The following ERC2 variants were observed in gnomAD, a reference collection of about 807,000 sequenced individuals.
ERC2 encodes the protein ERC protein 2.
Under a neutral mutation model 114.8 loss-of-function variants are expected in ERC2, and 42 were observed. The ratio of observed to expected loss-of-function variants is 0.37; its 90% CI spans 0.29 to 0.47. The LOEUF (loss-of-function observed/expected upper bound fraction) is 0.47, where lower values mean the gene tolerates loss of function less well. Among genes scored for constraint, ERC2 ranks in the 20% least tolerant of loss-of-function variants. The pLI, the probability that ERC2 is intolerant of heterozygous loss-of-function variation, is 0.99. For missense variants in ERC2, 939 were observed against 1,150.7 expected (o/e 0.82, Z 2.66); for synonymous variants, 454 against 425.5 (o/e 1.07, Z -0.82).
intron 3 of ERC2, among the ~76,000 whole-genome samples, chr3:56,245,826 C>T (rs1323895963): frequency 6.6e-6 from 1 of 152,034 alleles, no homozygotes; most frequent in African/African-American, 2.4e-5. Flanking sequence ...CAGGTGTGAG[C>T]CACCACTCCC....
chr3:56,460,714 A>G lies in ERC2; in HGVS notation c.-141+7534T>C, dbSNP rs569160342. ...CTCTGTACCCCCAGTGCCTAACACA[A>G]AGTAGATACTCAATAAATACTTCAC... On this transcript the variant is annotated intron_variant, in intron 1 of 17. Coordinates refer to ENST00000288221, the MANE Select transcript of ERC2 (RefSeq NM_015576.3). Among the ~76,000 whole-genome samples, 275 of 152,328 alleles carry G rather than the reference A, an allele frequency of 1.8e-3. 2 individuals are homozygous for G. The highest frequency in any genetic ancestry group is 3.0e-3 in the Non-Finnish European group (202 of 68,024).
At chr3:55,972,675 A>T (rs1443412597) in intron 12 of ERC2, among the ~76,000 whole-genome samples, 1 of 152,198 alleles carries the variant, frequency 6.6e-6, no homozygotes, top group African/African-American at 2.4e-5. Context: ...CGAGTATAAC[A>T]TTGATGGGCA....
At chr3:55,516,437 A>C (rs2052511501) in intron 17 of ERC2, among the ~76,000 whole-genome samples, 1 of 152,140 alleles carries the variant, frequency 6.6e-6, no homozygotes, top group Non-Finnish European at 1.5e-5. Context: ...TTGAAACCAT[A>C]ATTCAAAAAA....
intron 17 of ERC2, among the ~76,000 whole-genome samples, chr3:55,547,446 T>C (rs1431459043): frequency 6.6e-6 from 1 of 152,230 alleles, no homozygotes; most frequent in Non-Finnish European, 1.5e-5. Context: ...AAGGCTGCCA[T>C]TGCTCCAGTG....
intron 6 of ERC2, among the ~76,000 whole-genome samples, chr3:56,106,806 G>C (rs1419833326): frequency 6.6e-6 from 1 of 152,166 alleles, no homozygotes; most frequent in Non-Finnish European, 1.5e-5. Flanking sequence ...TTTCCAGTTA[G>C]TTTAAGAAGA....
intron 6 of ERC2, among the ~76,000 whole-genome samples, chr3:56,112,432 G>GACACAC (rs3052551): frequency 4.0e-5 from 6 of 149,166 alleles, no homozygotes; most frequent in Non-Finnish European, 7.4e-5. Context: ...AAGACAGACA[G>GACACAC]ACACACACAC....
chr3:56,122,068 G>C (rs1339961976), intron 6 of ERC2, among the ~76,000 whole-genome samples: 2 of 152,132 alleles, frequency 1.3e-5, no homozygotes, highest in African/African-American at 2.4e-5. Flanking sequence ...AACATAGTCT[G>C]GTTCTTAAAA....
rs552295219 is a variant in ERC2 at position 55,858,579 on chromosome 3, G to A, written c.2564+29810C>T. Among the ~76,000 whole-genome samples, 46 of 152,310 alleles carry A rather than the reference G, an allele frequency of 3.0e-4. 2 individuals are homozygous for A. The South Asian group carries it at 9.5e-3, about 32-fold the overall frequency. ...CCCTCTGAGAAGCATCCAAGTGCAA[G>A]CAGTAGGTGTGTCCTATCTTAAAGT... On this transcript the variant is annotated intron_variant, in intron 14 of 17. Transcript: ENST00000288221.
chr3:55,523,073 G>A (rs1161766452), intron 17 of ERC2, among the ~76,000 whole-genome samples: 1 of 152,208 alleles, frequency 6.6e-6, no homozygotes, highest in Non-Finnish European at 1.5e-5. Flanking sequence ...TGAAGGCTAG[G>A]AAATGCCTTT....
At chr3:55,864,140 CATATATATATATAT>C (rs57657343) in intron 14 of ERC2, among the ~76,000 whole-genome samples, 7 of 137,196 alleles carry the variant, frequency 5.1e-5, no homozygotes, top group Non-Finnish European at 9.3e-5. Context: ...TATATATATA[CATATATATATATAT>C]ACACATATAT....
At chr3:55,760,080 T>A (rs2067327563) in intron 14 of ERC2, among the ~76,000 whole-genome samples, 1 of 152,150 alleles carries the variant, frequency 6.6e-6, no homozygotes, top group East Asian at 1.9e-4. Context: ...AAACAGACCG[T>A]AGGTTTCAGT....
intron 17 of ERC2, among the ~76,000 whole-genome samples, chr3:55,599,328 G>C (rs1322362986): frequency 2.6e-5 from 4 of 152,178 alleles, no homozygotes; most frequent in Non-Finnish European, 5.9e-5. Context: ...TGCAAAGGAA[G>C]ACAGAGAAGA....
rs568380583 is a variant in ERC2 at position 55,564,949 on chromosome 3, G to A, written c.*40-53673C>T. On this transcript the variant is annotated intron_variant, in intron 17 of 17. Transcript: ENST00000288221. ...GTACTCAACTCTGCTGCTGGAATACGAAAGCAACCATGCATAATATGTAAA... is the reference window on the plus strand; with the variant it reads ...GTACTCAACTCTGCTGCTGGAATACAAAAGCAACCATGCATAATATGTAAA... 1.1e-4 allele frequency among the ~76,000 whole-genome samples: 17 copies of A among 152,314 alleles called. No individual in the cohort carries two copies. In the East Asian group the frequency reaches 3.3e-3, roughly 29 times the overall value.
At chr3:56,353,648 C>T (rs1179701482) in intron 2 of ERC2, among the ~76,000 whole-genome samples, 1 of 105,862 alleles carries the variant, frequency 9.4e-6, no homozygotes, top group Admixed American at 1.5e-4. Context: ...CACACCAGGG[C>T]CTGTTGTGGG....
In ERC2 at chr3:56,030,172, T is replaced by C. The variant is rs1576623805; in HGVS notation, c.1642-11141A>G. Among the ~76,000 whole-genome samples, 4 of 152,196 alleles carry C rather than the reference T, an allele frequency of 2.6e-5. No homozygotes were observed. The South Asian group carries it at 8.3e-4, about 31-fold the overall frequency. On this transcript the variant is annotated intron_variant, in intron 7 of 17. Transcript: ENST00000288221. ...TTTATTACATTAAGATCATAGAACA[T>C]ACCTTATATAAATCCAGTTTGTTCA...
In ERC2 at chr3:56,007,186, T is replaced by C. The variant is rs1050419363; in HGVS notation, c.2056A>G (p.Lys686Glu). The C allele has an allele frequency of 7.7e-6, 12 of 1,561,784 alleles. No homozygotes were observed. Among genetic ancestry groups the C allele is most frequent in the Non-Finnish European group, 9.5e-6 (11 of 1,152,684 alleles). The change falls in exon 10 of 18, where the codon AAA becomes GAA. Residue 686 changes from lysine to glutamate, a missense_variant. By Grantham distance (56) the Lys-to-Glu change is moderately conservative. Around this residue, in one of 5 missense-constraint regions of ERC2, gnomAD observed 328 missense variants for 353.9 expected, o/e 0.93. Coordinates refer to ENST00000288221, the MANE Select transcript of ERC2 (RefSeq NM_015576.3). Reference sequence around the variant, plus strand: ...TTTTCTTAGACTTCACTTACCTTTTTTAACTGTGCTTCCAATTTGCTACAT... The same window carrying C: ...TTTTCTTAGACTTCACTTACCTTTTCTAACTGTGCTTCCAATTTGCTACAT... ...EECSKLEAQL[K>E]KAHNIEDDSR...
intron 13 of ERC2, among the ~76,000 whole-genome samples, chr3:55,908,261 A>G (rs1306197913): frequency 6.6e-6 from 1 of 152,174 alleles, no homozygotes; most frequent in African/African-American, 2.4e-5. Flanking sequence ...TCAAAGAGAA[A>G]AATATCCTGC....
At chr3:56,298,605 C>A (rs1416554851) in intron 2 of ERC2, among the ~76,000 whole-genome samples, 2 of 151,270 alleles carry the variant, frequency 1.3e-5, no homozygotes, top group Non-Finnish European at 2.9e-5. Context: ...GTGAAAGAAA[C>A]CAGTCACAAA....
At position 55,813,817 on chromosome 3, in the gene ERC2, A is replaced by C. The variant is rs4493400; in HGVS notation, c.2564+74572T>G. On this transcript the variant is annotated intron_variant, in intron 14 of 17. Coordinates refer to ENST00000288221, the MANE Select transcript of ERC2 (RefSeq NM_015576.3). ...GCCAAATTTTTATCATTCCTTCAAA[A>C]TTATTTCTCCTATTAAATGCAAGTC... Among the ~76,000 whole-genome samples, 1,097 of 152,254 alleles carry C rather than the reference A, an allele frequency of 7.2e-3. 52 individuals are homozygous for C. The highest frequency in any genetic ancestry group is 0.062 in the Admixed American group (950 of 15,288).
Sources: allele counts gnomAD v4.1 joint callset (sites outside exome capture counted in the v4.1 genomes callset), GRCh38; gene constraint gnomAD v4.1.1; regional missense constraint gnomAD v4.1.1; transcripts MANE v1.5; gene names NCBI Gene and HGNC (gene_info 2026-07-23, HGNC 2026-07-21).